Variants in MBOAT1 observed in about 807,000 individuals in gnomAD.
MBOAT1 encodes the protein membrane bound glycerophospholipid O-acyltransferase 1.
In MBOAT1, 67 loss-of-function variants were observed where a neutral mutation model predicts 64.4. The ratio of observed to expected loss-of-function variants is 1.04; its 90% CI spans 0.85 to 1.27. The LOEUF (loss-of-function observed/expected upper bound fraction) is 1.27, where lower values mean the gene tolerates loss of function less well. MBOAT1 is among the 50% of genes most tolerant of loss of function. The pLI is 0.00. For missense variants in MBOAT1, 563 were observed against 604.6 expected (o/e 0.93, Z 0.72); for synonymous variants, 229 against 218.9 (o/e 1.05, Z -0.41).
intron 1 of MBOAT1, among the ~76,000 whole-genome samples, chr6:20,187,870 C>T (rs536202): frequency 0.4 from 61,516 of 151,902 alleles, 13,980 homozygotes; most frequent in Admixed American, 0.56. Context: ...CAAATGCCTG[C>T]AATCCCAGCT....
chr6:20,166,033 A>G (rs1762007022), intron 1 of MBOAT1, among the ~76,000 whole-genome samples: 1 of 152,044 alleles, frequency 6.6e-6, no homozygotes. Context: ...CATAATCCCA[A>G]CCTTCTATAT....
At chr6:20,209,366 T>C (rs1763353725) in intron 1 of MBOAT1, among the ~76,000 whole-genome samples, 2 of 152,234 alleles carry the variant, frequency 1.3e-5, no homozygotes, top group Admixed American at 1.3e-4. Flanking sequence ...AGACTTTTCC[T>C]GAGTATAGTC....
At chr6:20,161,805 G>A (rs1275048714) in intron 1 of MBOAT1, among the ~76,000 whole-genome samples, 1 of 152,124 alleles carries the variant, frequency 6.6e-6, no homozygotes, top group Non-Finnish European at 1.5e-5. Flanking sequence ...AGAAATAATA[G>A]CACTCAGGGA....
chr6:20,142,792 G>C (rs1761217277), intron 4 of MBOAT1, among the ~76,000 whole-genome samples: 1 of 152,170 alleles, frequency 6.6e-6, no homozygotes, highest in South Asian at 2.1e-4. Flanking sequence ...TCTTCCTGAA[G>C]GATTGAGAAA....
intron 1 of MBOAT1, among the ~76,000 whole-genome samples, chr6:20,176,916 G>T (rs139154857): frequency 6.6e-6 from 1 of 152,226 alleles, no homozygotes; most frequent in Non-Finnish European, 1.5e-5. Context: ...GAGCCACTAC[G>T]TCCAGCCTAC....
intron 4 of MBOAT1, among the ~76,000 whole-genome samples, chr6:20,143,170 C>T (rs142004483): frequency 1.9e-4 from 29 of 152,298 alleles, no homozygotes; most frequent in African/African-American, 5.5e-4. Flanking sequence ...CGGGAAGTAA[C>T]GTGGATAACA....
At chr6:20,152,355 A>AATT in intron 2 of MBOAT1, among the ~76,000 whole-genome samples, 1 of 123,820 alleles carries the variant, frequency 8.1e-6, no homozygotes, top group Admixed American at 8.1e-5. Context: ...ATAAATAAAT[A>AATT]AATAAATAAA....
intron 1 of MBOAT1, among the ~76,000 whole-genome samples, chr6:20,168,624 A>AGG: frequency 7.8e-6 from 1 of 128,688 alleles, no homozygotes; most frequent in African/African-American, 2.9e-5. Context: ...AAGAGAAGAG[A>AGG]AGAGAAGAGA....
chr6:20,124,011 C>G (rs570610343), intron 8 of MBOAT1, among the ~76,000 whole-genome samples: 239 of 152,180 alleles, frequency 1.6e-3, no homozygotes, highest in South Asian at 2.7e-3. Flanking sequence ...GAGCCAAGAT[C>G]GTGCCACTGC....
chr6:20,181,338 G>C (rs534438677), intron 1 of MBOAT1, among the ~76,000 whole-genome samples: 1 of 152,074 alleles, frequency 6.6e-6, no homozygotes, highest in Non-Finnish European at 1.5e-5. Context: ...ACCTGCCCAG[G>C]GTGAGACCTT....
intron 1 of MBOAT1, among the ~76,000 whole-genome samples, chr6:20,184,880 A>AGTGTGTGTGT (rs58865791): frequency 0.031 from 4,484 of 142,830 alleles, 87 homozygotes; most frequent in East Asian, 0.043. Flanking sequence ...TTATAACTGC[A>AGTGTGTGTGT]GTGTGTGTGT....
chr6:20,171,821 C>A (rs1762206799), intron 1 of MBOAT1, among the ~76,000 whole-genome samples: 1 of 152,006 alleles, frequency 6.6e-6, no homozygotes, highest in Non-Finnish European at 1.5e-5. Context: ...AATGCTTGAG[C>A]CCAGGAGTTG....
chr6:20,196,562 T>TA (rs952926853), intron 1 of MBOAT1, among the ~76,000 whole-genome samples: 6 of 152,028 alleles, frequency 3.9e-5, no homozygotes. Context: ...GTGAATATAT[T>TA]AAAAAACAGT....
intron 2 of MBOAT1, among the ~76,000 whole-genome samples, chr6:20,151,998 A>T (rs1003382992): frequency 2.6e-5 from 4 of 152,098 alleles, no homozygotes; most frequent in African/African-American, 7.2e-5. Context: ...CATTTACATG[A>T]TTGGGAGGGA....
At chr6:20,126,205 C>G (rs938055249) in intron 7 of MBOAT1, among the ~76,000 whole-genome samples, 2 of 152,104 alleles carry the variant, frequency 1.3e-5, no homozygotes, top group Non-Finnish European at 2.9e-5. Flanking sequence ...TGAATTTCAA[C>G]TCATAAAGGC....
chr6:20,168,011 A>T (rs577902621), intron 1 of MBOAT1, among the ~76,000 whole-genome samples: 82 of 152,330 alleles, frequency 5.4e-4, no homozygotes, highest in Non-Finnish European at 9.6e-4. Flanking sequence ...AGACCTCCCC[A>T]GAAACCCTAC....
chr6:20,112,111 T>C (rs968140272), intron 11 of MBOAT1, among the ~76,000 whole-genome samples: 19 of 151,358 alleles, frequency 1.3e-4, no homozygotes, highest in Non-Finnish European at 2.4e-4. Context: ...TAAAAACTCT[T>C]GGCATCAGAA....
Position 20,102,191 on chromosome 6 carries a change from C to A in MBOAT1, c.*95G>T. On this transcript the variant is annotated 3_prime_UTR_variant, in exon 13 of 13. Transcript: ENST00000324607. ...AGAACAAAATAAAGATGCATGTAAA[C>A]ATCGCCTCTAAGCCACCGGAGGAGC... 10 of 1,006,888 alleles carry A rather than the reference C, an allele frequency of 9.9e-6. No individual in the cohort carries two copies. Among genetic ancestry groups the A allele is most frequent in the East Asian group, 3.5e-5 (1 of 28,688 alleles). 62.4% of individuals were successfully genotyped at this position (1,006,888 alleles called of 1,614,324 possible).
chr6:20,209,541 T>A (rs1763359769), intron 1 of MBOAT1, among the ~76,000 whole-genome samples: 1 of 152,154 alleles, frequency 6.6e-6, no homozygotes, highest in South Asian at 2.1e-4. Context: ...TGACACAGGA[T>A]CCAGAGGCTA....
Sources: allele counts gnomAD v4.1 joint callset (sites outside exome capture counted in the v4.1 genomes callset), GRCh38; gene constraint gnomAD v4.1.1; transcripts MANE v1.5; gene names NCBI Gene and HGNC (gene_info 2026-07-23, HGNC 2026-07-21).